The following ELF5 variants were observed in gnomAD, a reference collection of about 807,000 sequenced individuals.
ELF5 encodes ETS-related transcription factor Elf-5.
In ELF5, 31 loss-of-function variants were observed where a neutral mutation model predicts 38.2. The observed-to-expected ratio is 0.81, with a 90% confidence interval of 0.61 to 1.10. The LOEUF (loss-of-function observed/expected upper bound fraction) is 1.10. ELF5 is among the 50% of genes least tolerant of loss of function. The probability of loss-of-function intolerance (pLI) is 0.00; values close to 1 mark genes in which losing one functional copy is unlikely to be tolerated. For missense variants in ELF5, 300 were observed against 306.6 expected (o/e 0.98, Z 0.16); for synonymous variants, 121 against 112.5 (o/e 1.08, Z -0.48).
chr11:34,511,703 C>T (rs1850762549), intron 1 of ELF5: 1 of 1,089,342 alleles, frequency 9.2e-7, no homozygotes, highest in Admixed American at 2.1e-5. Context: ...TCACACAAAT[C>T]AGAGGCAGCA....
chr11:34,485,217 CAG>C (rs1242698818), intron 4 of ELF5, among the ~76,000 whole-genome samples: 1 of 152,140 alleles, frequency 6.6e-6, no homozygotes, highest in East Asian at 1.9e-4. Context: ...ATGGTGGAAC[CAG>C]AGAGTTCTCA....
chr11:34,501,623 A>G (rs1461469503), intron 2 of ELF5, among the ~76,000 whole-genome samples: 1 of 152,042 alleles, frequency 6.6e-6, no homozygotes, highest in Non-Finnish European at 1.5e-5. Context: ...TCCAGTAGTC[A>G]TCGTTCTTTA....
At chr11:34,507,862 G>T (rs1383887241) in intron 1 of ELF5, among the ~76,000 whole-genome samples, 1 of 152,150 alleles carries the variant, frequency 6.6e-6, no homozygotes, top group Non-Finnish European at 1.5e-5. Context: ...TTTAAGATTG[G>T]CAGGAGTGAA....
chr11:34,503,989 G>A (rs1850542200), intron 2 of ELF5, among the ~76,000 whole-genome samples: 1 of 152,202 alleles, frequency 6.6e-6, no homozygotes, highest in South Asian at 2.1e-4. Flanking sequence ...CAGAGCCGCT[G>A]CTTCACTGCC....
chr11:34,496,607 T>G (rs1850328056), intron 2 of ELF5, among the ~76,000 whole-genome samples: 1 of 152,112 alleles, frequency 6.6e-6, no homozygotes, highest in Non-Finnish European at 1.5e-5. Flanking sequence ...TCACTCCCCC[T>G]CGCAGAGGTC....
intron 4 of ELF5, among the ~76,000 whole-genome samples, chr11:34,488,187 A>G (rs567545121): frequency 6.6e-6 from 1 of 152,114 alleles, no homozygotes; most frequent in Non-Finnish European, 1.5e-5. Flanking sequence ...GGGTTATTTA[A>G]TATCTCTACC....
rs1334419053 is a variant in ELF5 at position 34,490,025 on chromosome 11, C to A, written c.390G>T (p.Lys130Asn). The A allele has an allele frequency of 6.2e-7, 1 of 1,613,890 alleles. No individual in the cohort carries two copies. The highest frequency in any genetic ancestry group is 8.5e-7 in the Non-Finnish European group (1 of 1,179,964). The stretch of plus-strand genomic sequence containing the variant: ...GTTACTTACAGTCTTTGATGGTGGC[C>A]TTGCTTTCTTCAGCGTCATTAAAAA... Reference protein sequence around the residue: ...YSFFNDAEESKATIKDYADSN... With the variant: ...YSFFNDAEESNATIKDYADSN... The change falls in exon 4 of 7, where the codon AAG (lysine) becomes AAT (asparagine). Residue 130 changes from lysine (K) to asparagine (N), a missense_variant. Lys to Asn is a moderately conservative substitution (Grantham distance 94). Transcript: ENST00000257832.
chr11:34,481,807 T>A (rs1480344839), intron 5 of ELF5, among the ~76,000 whole-genome samples: 4 of 152,236 alleles, frequency 2.6e-5, no homozygotes, highest in African/African-American at 9.6e-5. Context: ...CTTTTAGGGT[T>A]GCTTCATCTA....
intron 1 of ELF5, among the ~76,000 whole-genome samples, chr11:34,506,623 C>G (rs952830803): frequency 1.3e-5 from 2 of 152,080 alleles, no homozygotes; most frequent in Non-Finnish European, 2.9e-5. Context: ...AAGCGATCCT[C>G]CCACCTCCAC....
intron 1 of ELF5, among the ~76,000 whole-genome samples, chr11:34,508,312 G>A (rs2133903709): frequency 6.6e-6 from 1 of 152,058 alleles, no homozygotes; most frequent in East Asian, 1.9e-4. Context: ...GACCAGCCTG[G>A]TCAACATGGT....
intron 1 of ELF5, among the ~76,000 whole-genome samples, chr11:34,506,908 G>A (rs2133902046): frequency 6.6e-6 from 1 of 152,234 alleles, no homozygotes; most frequent in South Asian, 2.1e-4. Flanking sequence ...GAAAGGAAGT[G>A]TGTGTGTACG....
chr11:34,507,717 G>A (rs889893416), intron 1 of ELF5, among the ~76,000 whole-genome samples: 8 of 152,178 alleles, frequency 5.3e-5, no homozygotes, highest in Non-Finnish European at 7.3e-5. Flanking sequence ...AAAACAATCT[G>A]TTCACCCGAA....
At chr11:34,487,227 G>A (rs555314986) in intron 4 of ELF5, among the ~76,000 whole-genome samples, 19 of 152,198 alleles carry the variant, frequency 1.2e-4, no homozygotes, top group African/African-American at 3.9e-4. Flanking sequence ...AAGCCTCTGG[G>A]GCTGGCTCTC....
intron 5 of ELF5, 44 bp from the exon 6 acceptor site, chr11:34,481,011 A>AAATT (rs747114471): frequency 4.1e-5 from 56 of 1,355,166 alleles, no homozygotes; most frequent in South Asian, 3.8e-4. Flanking sequence ...ATTGTTTTTT[A>AAATT]AATTAATTAA....
At chr11:34,509,619 G>A (rs1415652954) in intron 1 of ELF5, among the ~76,000 whole-genome samples, 2 of 151,882 alleles carry the variant, frequency 1.3e-5, no homozygotes, top group African/African-American at 4.8e-5. Flanking sequence ...TGAGTGAGGG[G>A]GGCAGGGAGG....
At position 34,479,398 on chromosome 11, in the gene ELF5, A is replaced by C. The variant is rs1353152986; in HGVS notation, c.*820T>G. ...AGTTAGAAGGGGGAATAAACTCAGC[A>C]ACAATTAATAATGTGGTTAATGTTA... On this transcript the variant is annotated 3_prime_UTR_variant, in exon 7 of 7. Transcript: ENST00000257832. 3 of 152,232 alleles carry C rather than the reference A, an allele frequency of 2.0e-5. No individual in the cohort carries two copies. Among genetic ancestry groups the C allele is most frequent in the Non-Finnish European group, 4.4e-5 (3 of 68,052 alleles). The allele number at this position is 152,232 out of a possible 1,614,324, so 9.4% of individuals were successfully genotyped here.
intron 2 of ELF5, among the ~76,000 whole-genome samples, chr11:34,499,139 A>G (rs370702179): frequency 1.3e-5 from 2 of 152,230 alleles, no homozygotes; most frequent in South Asian, 4.1e-4. Flanking sequence ...CATCTCTTCC[A>G]AATGGATTGT....
intron 2 of ELF5, among the ~76,000 whole-genome samples, chr11:34,504,022 G>C (rs544602554): frequency 1.8e-4 from 27 of 152,268 alleles, no homozygotes; most frequent in Non-Finnish European, 2.6e-4. Context: ...TGGGGCAGCT[G>C]GTTGTAGCCC....
intron 6 of ELF5, among the ~76,000 whole-genome samples, 162 bp from the exon 7 acceptor site, chr11:34,480,476 G>C (rs1221745949): frequency 6.6e-6 from 1 of 152,084 alleles, no homozygotes; most frequent in African/African-American, 2.4e-5. Flanking sequence ...ACCTTTCCCA[G>C]ACATCTTGAA....
Sources: gnomAD v4.1 joint callset for allele counts (sites outside exome capture counted in the v4.1 genomes callset) on GRCh38, gnomAD v4.1.1 for gene constraint, MANE v1.5 for transcripts, NCBI Gene and HGNC (gene_info 2026-07-23, HGNC 2026-07-21) for gene names.